Variants in NELL2 observed in about 807,000 individuals in gnomAD.
NELL2 encodes the protein protein kinase C-binding protein NELL2.
NELL2 carries 41 observed loss-of-function variants against 109.6 expected under a neutral mutation model. That is an observed-to-expected ratio of 0.37 (90% CI 0.29 to 0.49). The LOEUF (loss-of-function observed/expected upper bound fraction) is 0.49, where lower values mean the gene tolerates loss of function less well. Among genes scored for constraint, NELL2 ranks in the 20% least tolerant of loss-of-function variants. NELL2 has a pLI of 0.98. For missense variants in NELL2, 900 were observed against 1,008.3 expected, an observed-to-expected ratio of 0.89 and a Z score of 1.45; for synonymous variants, 355 against 344.7, an observed-to-expected ratio of 1.03 and a Z score of -0.33.
intron 2 of NELL2, among the ~76,000 whole-genome samples, chr12:44,855,236 G>A (rs1944649397): frequency 6.6e-6 from 1 of 152,156 alleles, no homozygotes; most frequent in Non-Finnish European, 1.5e-5. Context: ...TCACAAGCTT[G>A]GCTAAACATC....
upstream of NELL2, among the ~76,000 whole-genome samples, chr12:44,880,179 A>G (rs1945396152): frequency 6.6e-6 from 1 of 151,674 alleles, no homozygotes; most frequent in South Asian, 2.1e-4. Flanking sequence ...TTAGTATCTC[A>G]TGACCTCAGG....
intron 1 of NELL2, among the ~76,000 whole-genome samples, chr12:44,886,910 C>A (rs968429251): frequency 6.6e-6 from 1 of 151,780 alleles, no homozygotes; most frequent in Non-Finnish European, 1.5e-5. Flanking sequence ...TGACAACATG[C>A]GATATTAATC....
chr12:44,876,916 G>A (rs1445831021), upstream of NELL2: 1 of 1,247,104 alleles, frequency 8.0e-7, no homozygotes, highest in Non-Finnish European at 1.0e-6. Flanking sequence ...TCCCTGCCGG[G>A]GGCGGGGCGC....
intron 13 of NELL2, among the ~76,000 whole-genome samples, chr12:44,631,780 C>G (rs1235643328): frequency 6.6e-6 from 1 of 152,056 alleles, no homozygotes; most frequent in Non-Finnish European, 1.5e-5. Flanking sequence ...CAATGGTACA[C>G]AGTCTTCTAA....
chr12:44,635,084 T>C (rs184199201), intron 13 of NELL2, among the ~76,000 whole-genome samples: 1 of 152,348 alleles, frequency 6.6e-6, no homozygotes, highest in East Asian at 1.9e-4. Flanking sequence ...TGTCTTCTTT[T>C]GAGAAGTGTC....
intron 2 of NELL2, among the ~76,000 whole-genome samples, chr12:44,861,552 G>A (rs997253108): frequency 1.2e-4 from 19 of 152,304 alleles, no homozygotes; most frequent in African/African-American, 4.3e-4. Context: ...GCAGCCATGG[G>A]CTCTGGACTA....
intron 2 of NELL2, among the ~76,000 whole-genome samples, chr12:44,818,993 C>T (rs1191002843): frequency 6.6e-6 from 1 of 151,898 alleles, no homozygotes; most frequent in Non-Finnish European, 1.5e-5. Flanking sequence ...CCACCCGCCT[C>T]GGCCTCCCAA....
At chr12:44,576,214 C>T (rs905438885) in intron 15 of NELL2, among the ~76,000 whole-genome samples, 1 of 152,366 alleles carries the variant, frequency 6.6e-6, no homozygotes, top group East Asian at 1.9e-4. Context: ...CCATCCCACT[C>T]CCCACGCACA....
chr12:44,762,232 T>C lies in NELL2; in HGVS notation c.994+12515A>G, dbSNP rs183028603. On this transcript the variant is annotated intron_variant, in intron 9 of 19. Coordinates refer to ENST00000429094, the MANE Select transcript of NELL2 (RefSeq NM_001145108.2). ...ACCTCTTAAACATAACATGTCTAAA[T>C]TGAACTTGATCTTAGCCACTCTCCC... 2.6e-3 allele frequency among the ~76,000 whole-genome samples: 397 copies of C among 152,288 alleles called. 2 individuals are homozygous for C. The highest frequency in any genetic ancestry group is 8.9e-3 in the African/African-American group (371 of 41,544).
rs796734230 is a variant in NELL2 at position 44,567,855 on chromosome 12, G to A, written c.1664-35134C>T. 2.2e-4 allele frequency among the ~76,000 whole-genome samples: 33 copies of A among 152,200 alleles called. 1 individual carries two copies. Among genetic ancestry groups the A allele is most frequent in the African/African-American group, 7.9e-4 (33 of 41,544 alleles). The stretch of plus-strand genomic sequence containing the variant: ...GTACATATTCCTTCCCTTTATAGAT[G>A]AGGACTTTTCCCCAATCTGTAGGCA... On this transcript the variant is annotated intron_variant, in intron 15 of 19. Coordinates refer to ENST00000429094, the MANE Select transcript of NELL2 (RefSeq NM_001145108.2).
chr12:44,530,529 T>C (rs867374124), intron 16 of NELL2, among the ~76,000 whole-genome samples: 1 of 152,194 alleles, frequency 6.6e-6, no homozygotes, highest in African/African-American at 2.4e-5. Flanking sequence ...TGCAATCCCC[T>C]TCCCTTGAAT....
chr12:44,638,186 T>C (rs1774536893), intron 13 of NELL2, among the ~76,000 whole-genome samples: 1 of 152,100 alleles, frequency 6.6e-6, no homozygotes, highest in Admixed American at 6.6e-5. Flanking sequence ...CTCTAGTCTT[T>C]CTTAACTGAA....
At chr12:44,781,201 T>A (rs1231002742) in intron 3 of NELL2, among the ~76,000 whole-genome samples, 2 of 147,582 alleles carry the variant, frequency 1.4e-5, no homozygotes, top group East Asian at 2.1e-4. Context: ...GGAAAAAAAA[T>A]TTAAAACCAA....
At chr12:44,636,113 G>A (rs984901835) in intron 13 of NELL2, among the ~76,000 whole-genome samples, 2 of 152,126 alleles carry the variant, frequency 1.3e-5, no homozygotes, top group Non-Finnish European at 2.9e-5. Flanking sequence ...AGGAATGTTT[G>A]TGATTTTTGC....
Position 44,876,047 on chromosome 12 carries a change from G to C in NELL2, c.-178C>G. The stretch of plus-strand genomic sequence containing the variant: ...AGAAAGAAAAGGGAGGCCTCCCCAG[G>C]CGCGTGAAGAACTTAGACCCTCCAA... On this transcript the variant is annotated 5_prime_UTR_variant, in exon 1 of 20. Transcript: ENST00000429094. 6.8e-7 allele frequency: 1 copy of C among 1,471,152 alleles called. No individual in the cohort carries two copies. The highest frequency in any genetic ancestry group is 8.9e-7 in the Non-Finnish European group (1 of 1,118,156). 91.1% of individuals were successfully genotyped at this position (1,471,152 alleles called of 1,614,324 possible). A position where few individuals can be genotyped will look rare whatever the true frequency, so the allele number is the denominator to read the frequency against.
chr12:44,620,710 G>T (rs1478524701), intron 13 of NELL2, among the ~76,000 whole-genome samples: 3 of 151,992 alleles, frequency 2.0e-5, no homozygotes, highest in Non-Finnish European at 4.4e-5. Flanking sequence ...TTTATCCGGG[G>T]CCAGGTCACC....
Position 44,657,817 on chromosome 12 carries a change from C to T in NELL2, c.1444+7667G>A, listed in dbSNP as rs548171126. On this transcript the variant is annotated intron_variant, in intron 13 of 19. Transcript: ENST00000429094. Reference sequence around the variant, plus strand: ...CTGCAAAGGACAGGAACTCATCCTTCTTTATGGCTGCATAGTATTCCATGA... The same window carrying T: ...CTGCAAAGGACAGGAACTCATCCTTTTTTATGGCTGCATAGTATTCCATGA... Among the ~76,000 whole-genome samples the T allele has an allele frequency of 8.5e-5, 13 of 152,268 alleles. No individual in the cohort carries two copies. The South Asian group carries it at 2.7e-3, about 32-fold the overall frequency.
intron 15 of NELL2, among the ~76,000 whole-genome samples, chr12:44,534,699 T>A (rs950762897): frequency 1.1e-4 from 17 of 152,044 alleles, no homozygotes; most frequent in Non-Finnish European, 2.5e-4. Context: ...AGAAAACAGG[T>A]TGGAATTTAA....
intron 3 of NELL2, among the ~76,000 whole-genome samples, chr12:44,784,209 C>A (rs1363154075): frequency 2.6e-5 from 4 of 152,136 alleles, no homozygotes; most frequent in Non-Finnish European, 5.9e-5. Flanking sequence ...TAACATCATA[C>A]TCAATGGTGA....
Sources: gnomAD v4.1 joint callset for allele counts (sites outside exome capture counted in the v4.1 genomes callset) on GRCh38, gnomAD v4.1.1 for gene constraint, MANE v1.5 for transcripts, NCBI Gene and HGNC (gene_info 2026-07-23, HGNC 2026-07-21) for gene names.